The following ITK variants were observed in gnomAD, a reference collection of about 807,000 sequenced individuals.
ITK encodes the protein tyrosine-protein kinase ITK/TSK.
Under a neutral mutation model 87.6 loss-of-function variants are expected in ITK, and 45 were observed. That is an observed-to-expected ratio of 0.51 (90% CI 0.40 to 0.66). The LOEUF (loss-of-function observed/expected upper bound fraction) is 0.66, where lower values mean the gene tolerates loss of function less well. Ranked by LOEUF, ITK falls within the 30% of genes least tolerant of loss-of-function variation. The pLI is 0.00. For missense variants in ITK, 605 were observed against 766.3 expected, an observed-to-expected ratio of 0.79 and a Z score of 2.48; for synonymous variants, 303 against 273.6, an observed-to-expected ratio of 1.11 and a Z score of -1.06.
intron 7 of ITK, 108 bp from the exon 8 acceptor site, chr5:157,232,232 A>G: frequency 1.3e-6 from 1 of 781,718 alleles, no homozygotes; most frequent in Non-Finnish European, 2.2e-6. Context: ...TTTTTAAAGC[A>G]CTGGTAGAAA....
intron 15 of ITK, among the ~76,000 whole-genome samples, chr5:157,246,777 C>G (rs775439067): frequency 6.6e-6 from 1 of 152,050 alleles, no homozygotes; most frequent in East Asian, 1.9e-4. Flanking sequence ...GACAGAGGGA[C>G]CAGCAAGTGC....
At chr5:157,245,812 G>T in intron 14 of ITK, 22 bp downstream of exon 14, 1 of 1,613,002 alleles carries the variant, frequency 6.2e-7, no homozygotes, top group Non-Finnish European at 8.5e-7. Flanking sequence ...ATGTGGTGCC[G>T]GTGAAGTCTC....
intron 4 of ITK, among the ~76,000 whole-genome samples, chr5:157,216,485 ATC>A (rs1754301765): frequency 6.6e-6 from 1 of 152,164 alleles, no homozygotes; most frequent in Non-Finnish European, 1.5e-5. Flanking sequence ...GGATGAAAGA[ATC>A]TGAGGCTGAG....
chr5:157,236,826 G>A (rs1268041445), intron 8 of ITK, among the ~76,000 whole-genome samples: 2 of 151,862 alleles, frequency 1.3e-5, no homozygotes, highest in African/African-American at 2.4e-5. Flanking sequence ...ACATTCTCAG[G>A]GCACTCCCTT....
chr5:157,215,060 G>A (rs1205183073), intron 4 of ITK, among the ~76,000 whole-genome samples: 5 of 152,138 alleles, frequency 3.3e-5, no homozygotes, highest in South Asian at 2.1e-4. Context: ...AACTCCACTC[G>A]AATGCATTTC....
intron 1 of ITK, among the ~76,000 whole-genome samples, chr5:157,193,009 A>C (rs1388674812): frequency 6.6e-6 from 1 of 152,170 alleles, no homozygotes; most frequent in Non-Finnish European, 1.5e-5. Context: ...TGACGGCACG[A>C]GTTTGAGACC....
rs1580894060 is a variant in ITK, at chr5:157,222,809, C to T, written c.496-54C>T. 3.2e-6 allele frequency: 5 copies of T among 1,572,022 alleles called. No individual in the cohort carries two copies. In the African/African-American group the frequency reaches 6.7e-5, roughly 21 times the overall value. On this transcript the variant is annotated intron_variant, in intron 5 of 16. Transcript: ENST00000422843. ...CCCCAGACACCCCGATGAAAGGAGG[C>T]ATTTTACCTCCTTTTTTATGTCTTT...
At chr5:157,185,317 C>A (rs899808503) in intron 1 of ITK, among the ~76,000 whole-genome samples, 3 of 151,710 alleles carry the variant, frequency 2.0e-5, no homozygotes, top group Non-Finnish European at 4.4e-5. Flanking sequence ...TGGTTCACTG[C>A]AACCTCTGCC....
intron 1 of ITK, 45 bp from the exon 2 acceptor site, chr5:157,208,844 T>C (rs571318431): frequency 7.3e-7 from 1 of 1,368,430 alleles, no homozygotes; most frequent in African/African-American, 1.4e-5. Flanking sequence ...GACAAAAATA[T>C]TGTCTTCTTT....
intron 7 of ITK, among the ~76,000 whole-genome samples, chr5:157,230,992 G>T (rs946905711): frequency 1.4e-4 from 22 of 152,302 alleles, no homozygotes; most frequent in African/African-American, 5.3e-4. Context: ...CAGATATTTA[G>T]TATATAACTG....
rs1358243764 is a variant in ITK, at chr5:157,241,703, C to G, written c.1043C>G (p.Thr348Arg). The change falls in exon 11 of 17, where the codon ACA (threonine) becomes AGA (arginine). Residue 348 changes from threonine (T) to arginine (R), a missense_variant. By Grantham distance (71) the Thr-to-Arg change is moderately conservative. Coordinates refer to ENST00000422843, the MANE Select transcript of ITK (RefSeq NM_005546.4). ...VCFGRQKAPVTAGLRYGKWVI... is the reference protein window; with the variant it reads ...VCFGRQKAPVRAGLRYGKWVI... Reference sequence around the variant, plus strand: ...TTTGGGAGGCAGAAAGCCCCAGTTACAGCAGGGCTGAGATACGGTGAGCAG... The same window carrying G: ...TTTGGGAGGCAGAAAGCCCCAGTTAGAGCAGGGCTGAGATACGGTGAGCAG... 1.2e-6 allele frequency: 2 copies of G among 1,613,238 alleles called. No homozygotes were observed. Among genetic ancestry groups the G allele is most frequent in the Non-Finnish European group, 1.7e-6 (2 of 1,179,362 alleles).
chr5:157,250,611 G>C (rs1231096874), intron 16 of ITK, among the ~76,000 whole-genome samples: 1 of 151,780 alleles, frequency 6.6e-6, no homozygotes, highest in Non-Finnish European at 1.5e-5. Context: ...CTGCCTCCCA[G>C]TCTCAAGCGA....
intron 3 of ITK, chr5:157,211,602 T>G: frequency 3.6e-6 from 2 of 554,678 alleles, no homozygotes; most frequent in Admixed American, 3.1e-5. Flanking sequence ...GCAATATTTG[T>G]ATATAACTCA....
chr5:157,198,950 A>T (rs939338760), intron 1 of ITK, among the ~76,000 whole-genome samples: 1 of 152,074 alleles, frequency 6.6e-6, no homozygotes, highest in East Asian at 1.9e-4. Flanking sequence ...TTTTTTGTAG[A>T]GACAGGGCCT....
intron 1 of ITK, among the ~76,000 whole-genome samples, chr5:157,182,601 A>G (rs993926468): frequency 2.6e-5 from 4 of 152,140 alleles, no homozygotes; most frequent in African/African-American, 9.7e-5. Context: ...CAGTTTGTGA[A>G]CTTGGGGGAT....
At chr5:157,217,739 T>C in intron 4 of ITK, 128 bp from the exon 5 acceptor site, 1 of 779,766 alleles carries the variant, frequency 1.3e-6, no homozygotes, top group Non-Finnish European at 2.3e-6. Context: ...TATTGCTCCT[T>C]CTGGCCCCCT....
At chr5:157,231,456 G>A (rs1351851485) in intron 7 of ITK, among the ~76,000 whole-genome samples, 1 of 152,196 alleles carries the variant, frequency 6.6e-6, no homozygotes, top group East Asian at 1.9e-4. Flanking sequence ...AAGAGCCCAT[G>A]TTGGTGTCAT....
chr5:157,223,070 A>T (rs1193836966), intron 6 of ITK, 56 bp downstream of exon 6: 2 of 1,597,738 alleles, frequency 1.3e-6, no homozygotes, highest in Non-Finnish European at 1.7e-6. Flanking sequence ...CGAACAAATA[A>T]AATACCAGGA....
At chr5:157,196,270 C>T (rs1753853811) in intron 1 of ITK, among the ~76,000 whole-genome samples, 1 of 152,130 alleles carries the variant, frequency 6.6e-6, no homozygotes, top group Admixed American at 6.6e-5. Flanking sequence ...AGAAGTTGTA[C>T]CAGTGAACAT....
Sources: allele counts gnomAD v4.1 joint callset (sites outside exome capture counted in the v4.1 genomes callset), GRCh38; gene constraint gnomAD v4.1.1; transcripts MANE v1.5; gene names NCBI Gene and HGNC (gene_info 2026-07-23, HGNC 2026-07-21).